VIRMA: variants seen among roughly 807,000 people sequenced by gnomAD.
VIRMA encodes the protein protein virilizer homolog.
Under a neutral mutation model 182.4 loss-of-function variants are expected in VIRMA, and 65 were observed. That is an observed-to-expected ratio of 0.36 (90% CI 0.29 to 0.44). The LOEUF is 0.44. VIRMA is among the 20% of genes least tolerant of loss of function. VIRMA has a pLI of 1.00. For synonymous variants in VIRMA, 709 were observed against 743.1 expected (o/e 0.95, Z 0.75); for missense variants, 1,752 against 2,158.1 (o/e 0.81, Z 3.73).
chr8:94,529,015 G>C (rs1815065183), intron 7 of VIRMA, 55 bp downstream of exon 7: 3 of 1,591,210 alleles, frequency 1.9e-6, no homozygotes, highest in Non-Finnish European at 2.6e-6. Context: ...TTTCAAAGCT[G>C]TATCGAGTTA....
In VIRMA at chr8:94,509,167, G is replaced by A. The variant is rs1285660378; in HGVS notation, c.3879+521C>T. 2.6e-5 allele frequency among the ~76,000 whole-genome samples: 4 copies of A among 152,100 alleles called. No homozygotes were observed. The South Asian group carries it at 8.3e-4, about 32-fold the overall frequency. ...TGTAATCCCAGCACTTTGGGAGGCC[G>A]AGGCAGGTGGATCACCTGAGGTCAG... On this transcript the variant is annotated intron_variant, in intron 15 of 23. Transcript: ENST00000297591.
intron 6 of VIRMA, 106 bp downstream of exon 6, chr8:94,530,857 A>ACTGT: frequency 8.1e-7 from 1 of 1,241,308 alleles, no homozygotes; most frequent in Non-Finnish European, 1.1e-6. Flanking sequence ...GACTGCAGTG[A>ACTGT]GCCACTGTAC....
intron 16 of VIRMA, 43 bp from the exon 17 acceptor site, chr8:94,499,549 T>C (rs1186390004): frequency 6.2e-6 from 8 of 1,298,990 alleles, no homozygotes; most frequent in East Asian, 2.4e-5. Context: ...TCTTAAAATA[T>C]GAGCATATAA....
chr8:94,498,332 T>C (rs1307599041), intron 17 of VIRMA: 1 of 152,212 alleles, frequency 6.6e-6, no homozygotes, highest in African/African-American at 2.4e-5. Context: ...CCAAAAATAC[T>C]AAAGCATAAT....
At chr8:94,542,057 C>T (rs1376273716) in intron 2 of VIRMA, among the ~76,000 whole-genome samples, 1 of 152,194 alleles carries the variant, frequency 6.6e-6, no homozygotes, top group Non-Finnish European at 1.5e-5. Context: ...ATCCAGTTTG[C>T]TTGCTATGGT....
At chr8:94,535,822 A>T (rs1368349564) in intron 4 of VIRMA, among the ~76,000 whole-genome samples, 3 of 152,094 alleles carry the variant, frequency 2.0e-5, no homozygotes, top group Non-Finnish European at 2.9e-5. Flanking sequence ...GGCATTAAAT[A>T]AATTGTTTTT....
Position 94,511,438 on chromosome 8 carries a change from G to C in VIRMA, c.3137C>G (p.Ser1046Cys). 1 of 1,614,136 alleles carries C rather than the reference G, an allele frequency of 6.2e-7. No homozygotes were observed. Among genetic ancestry groups the C allele is most frequent in the Non-Finnish European group, 8.5e-7 (1 of 1,180,020 alleles). The change falls in exon 13 of 24, where the codon TCT becomes TGT. Residue 1046 changes from serine to cysteine, a missense_variant. Ser to Cys is a moderately radical substitution (Grantham distance 112). This residue lies in a region of VIRMA where 777 missense variants were observed against 920.6 expected (regional missense o/e 0.84). Transcript: ENST00000297591. ...ALVTLHMLLCSIPLSGRLDSD... is the reference protein window; with the variant it reads ...ALVTLHMLLCCIPLSGRLDSD... ...ATCCAAACGACCTGAGAGGGGGATAGAGCACAGGAGCATATGTAAAGTAAC... is the reference window on the plus strand; with the variant it reads ...ATCCAAACGACCTGAGAGGGGGATACAGCACAGGAGCATATGTAAAGTAAC...
At chr8:94,499,324 C>A in intron 17 of VIRMA, 50 bp downstream of exon 17, 2 of 1,313,504 alleles carry the variant, frequency 1.5e-6, no homozygotes, top group Non-Finnish European at 2.1e-6. Flanking sequence ...TTAAGAAACA[C>A]CAAATACATA....
At chr8:94,520,311 T>C (rs1236046953) in intron 8 of VIRMA, among the ~76,000 whole-genome samples, 1 of 149,572 alleles carries the variant, frequency 6.7e-6, no homozygotes, top group Non-Finnish European at 1.5e-5. Flanking sequence ...CCTTGAGCAA[T>C]ATAGTGAGAC....
rs1261048174 is a variant in VIRMA, at chr8:94,548,524, T to C, written c.64-4582A>G. ...TCACTCATCAACAGGAATATACAAA[T>C]ACAATAGCTTTCCACTCATATACTT... On this transcript the variant is annotated intron_variant, in intron 1 of 23. Transcript: ENST00000297591. Among the ~76,000 whole-genome samples, 4 of 151,202 alleles carry C rather than the reference T, an allele frequency of 2.6e-5. 1 individual carries two copies. The highest frequency in any genetic ancestry group is 7.4e-5 in the African/African-American group (3 of 40,516).
intron 1 of VIRMA, 24 bp from the exon 2 acceptor site, chr8:94,543,966 G>A (rs970898106): frequency 1.6e-6 from 2 of 1,275,436 alleles, no homozygotes; most frequent in Admixed American, 1.8e-5. Context: ...AAAGCCGGAG[G>A]GGGAGGGGTT....
In VIRMA at chr8:94,489,456, G is replaced by A. The variant is rs1586056841; in HGVS notation, c.5284+483C>T. On this transcript the variant is annotated intron_variant, in intron 23 of 23. Transcript: ENST00000297591. ...TATTCTCTTCCAGAATGAGAGTACA[G>A]TTGACCCTTGAACAACATGGGTTTC... 2.0e-5 allele frequency among the ~76,000 whole-genome samples: 3 copies of A among 152,286 alleles called. No homozygotes were observed. The South Asian group carries it at 6.2e-4, about 32-fold the overall frequency.
Position 94,543,456 on chromosome 8 carries a change from A to G in VIRMA, c.179+371T>C, listed in dbSNP as rs544387906. On this transcript the variant is annotated intron_variant, in intron 2 of 23. Transcript: ENST00000297591. ...ATAATAATAATAATAATAGTAAGAT[A>G]CACTTATAAATATTTCAACTAATTC... 1.4e-4 allele frequency among the ~76,000 whole-genome samples: 21 copies of G among 150,686 alleles called. No individual in the cohort carries two copies. In the South Asian group the frequency reaches 4.2e-3, roughly 30 times the overall value.
Position 94,529,331 on chromosome 8 carries a change from T to C in VIRMA, c.619A>G (p.Lys207Glu). The C allele has an allele frequency of 6.2e-7, 1 of 1,601,048 alleles. No individual in the cohort carries two copies. The highest frequency in any genetic ancestry group is 8.6e-7 in the Non-Finnish European group (1 of 1,168,366). Residue 207 changes from lysine to glutamate, a missense_variant, in exon 7 of 24, where the codon AAG (lysine) becomes GAG (glutamate). Lys to Glu is a moderately conservative substitution (Grantham distance 56). Transcript: ENST00000297591. Reference sequence around the variant, plus strand: ...TCTCTATGAGGAGCATCCTCTTCCTTGTCACCAGACACTGAAAAATTGAGA... The same window carrying C: ...TCTCTATGAGGAGCATCCTCTTCCTCGTCACCAGACACTGAAAAATTGAGA... Reference protein sequence around the residue: ...DPVPLPVSGDKEEDAPHREDY... With the variant: ...DPVPLPVSGDEEEDAPHREDY...
rs140936033 is a variant in VIRMA at position 94,525,619 on chromosome 8, G to A, written c.2021+604C>T. Among the ~76,000 whole-genome samples the A allele has an allele frequency of 1.6e-4, 24 of 152,234 alleles. No individual in the cohort carries two copies. In the East Asian group the frequency reaches 3.5e-3, roughly 22 times the overall value. ...AAATAAGTAATAAAATAATTCAAATGCCATTTTTCCATTTTTATGTTAGGA... is the reference window on the plus strand; with the variant it reads ...AAATAAGTAATAAAATAATTCAAATACCATTTTTCCATTTTTATGTTAGGA... On this transcript the variant is annotated intron_variant, in intron 8 of 23. Transcript: ENST00000297591.
chr8:94,535,338 C>A (rs1815303251), intron 4 of VIRMA, among the ~76,000 whole-genome samples: 2 of 152,140 alleles, frequency 1.3e-5, no homozygotes, highest in African/African-American at 4.8e-5. Flanking sequence ...ATAAATTAAA[C>A]CCCAATAGGT....
intron 10 of VIRMA, among the ~76,000 whole-genome samples, chr8:94,515,210 C>T (rs1814520072): frequency 6.6e-6 from 1 of 151,752 alleles, no homozygotes; most frequent in Non-Finnish European, 1.5e-5. Context: ...AATTCTCCTG[C>T]CTCAGCCTCC....
At chr8:94,515,100 T>C in intron 10 of VIRMA, 149 bp from the exon 11 acceptor site, 1 of 291,790 alleles carries the variant, frequency 3.4e-6, no homozygotes, top group Non-Finnish European at 6.3e-6. Flanking sequence ...ATCTAATTCT[T>C]TTTTTTTTTT....
intron 17 of VIRMA, chr8:94,498,315 C>G (rs115325515): frequency 1.3e-5 from 2 of 152,084 alleles, no homozygotes; most frequent in Non-Finnish European, 2.9e-5. Context: ...CATATTTGTA[C>G]GATAGACCAA....
Sources: gnomAD v4.1 joint callset for allele counts (sites outside exome capture counted in the v4.1 genomes callset) on GRCh38, gnomAD v4.1.1 for gene constraint, gnomAD v4.1.1 regional missense constraint, MANE v1.5 for transcripts, NCBI Gene and HGNC (gene_info 2026-07-23, HGNC 2026-07-21) for gene names.